CELSR1: variants seen among roughly 807,000 people sequenced by gnomAD.
CELSR1 encodes cadherin EGF LAG seven-pass G-type receptor 1, also known as adhesion G protein-coupled receptor C1.
CELSR1 carries 110 observed loss-of-function variants against 249.1 expected under a neutral mutation model. That is an observed-to-expected ratio of 0.44 (90% confidence interval 0.38 to 0.52). The LOEUF is 0.52. CELSR1 is among the 20% of genes least tolerant of loss of function. The pLI is 0.00. For missense variants in CELSR1, 4,109 were observed against 4,296.4 expected (o/e 0.96, Z 1.22); for synonymous variants, 2,113 against 1,900.0 (o/e 1.11, Z -2.92).
intron 1 of CELSR1, among the ~76,000 whole-genome samples, chr22:46,493,372 C>T (rs991328238): frequency 1.3e-4 from 19 of 151,918 alleles, no homozygotes; most frequent in African/African-American, 4.4e-4. Flanking sequence ...ATGGTGAAAA[C>T]CCATCTCTAC....
At position 46,477,092 on chromosome 22, in the gene CELSR1, A is replaced by G. The variant is rs986577719; in HGVS notation, c.3545-12747T>C. ...AGCTGTCGAATGAAGTCAGAAATGA[A>G]CAGGTTTCTAAGACGTGGAACTACT... On this transcript the variant is annotated intron_variant, in intron 1 of 34. Transcript: ENST00000674500. Among the ~76,000 whole-genome samples the G allele has an allele frequency of 2.0e-5, 3 of 152,234 alleles. No individual in the cohort carries two copies. The South Asian group carries it at 6.2e-4, about 31-fold the overall frequency.
Position 46,398,785 on chromosome 22 carries a change from C to A in CELSR1, c.5413-148G>T. ...GACATCTGGGCCTCCAAAGAGAGAG[C>A]TGGGCCCAGCTGGACAGCGAGGCTG... On this transcript the variant is annotated intron_variant, in intron 10 of 34. Coordinates refer to ENST00000674500, the MANE Select transcript of CELSR1 (RefSeq NM_001378328.1). This position sits in a 1 kb window ranked among gnomAD's most constrained non-coding sequence, Gnocchi z 7.2. 1.7e-6 allele frequency: 1 copy of A among 604,800 alleles called. No homozygotes were observed. The allele number at this position is 604,800 out of a possible 1,614,324, so 37.5% of individuals were successfully genotyped here.
intron 1 of CELSR1, among the ~76,000 whole-genome samples, chr22:46,491,515 G>A (rs551741721): frequency 7.3e-5 from 11 of 150,904 alleles, no homozygotes; most frequent in South Asian, 4.2e-4. Context: ...TGCCCACTTC[G>A]GCCTCCCAAA....
At position 46,413,242 on chromosome 22, in the gene CELSR1, T is replaced by G. The variant is rs1256225252; in HGVS notation, c.4612-1483A>C. On this transcript the variant is annotated intron_variant, in intron 5 of 34. Transcript: ENST00000674500. The surrounding 1 kb of genome is among the most constrained non-coding windows in gnomAD (Gnocchi z 4.7). ...TTTTAATAGGAACAAAGTATCTATT[T>G]TGATCAGGGAAACGAGGCTGAAAAG... 6.6e-6 allele frequency among the ~76,000 whole-genome samples: 1 copy of G among 152,262 alleles called. No individual in the cohort carries two copies. Among genetic ancestry groups the G allele is most frequent in the Non-Finnish European group, 1.5e-5 (1 of 68,048 alleles).
chr22:46,376,523 C>T (rs541485414), intron 24 of CELSR1, among the ~76,000 whole-genome samples: 15 of 152,222 alleles, frequency 9.9e-5, no homozygotes, highest in South Asian at 2.1e-4. Context: ...TACAGGTGCC[C>T]GGCACCACGC....
In CELSR1 at chr22:46,366,956, C is replaced by T. The variant is rs778278112; in HGVS notation, c.8205+37G>A. On this transcript the variant is annotated intron_variant, in intron 29 of 34. Transcript: ENST00000674500. ...CTCCCCCGCCCCTCGAGATGCCGCC[C>T]AGCCCCCAGTCCCGCGGTGTCCCCG... The T allele has an allele frequency of 5.0e-6, 8 of 1,592,204 alleles. No individual in the cohort carries two copies. The Admixed American group carries it at 1.2e-4, about 24-fold the overall frequency.
At chr22:46,421,278 G>C (rs886969185) in intron 5 of CELSR1, among the ~76,000 whole-genome samples, 2 of 149,154 alleles carry the variant, frequency 1.3e-5, no homozygotes, top group Non-Finnish European at 3.0e-5. Context: ...GTGCATCTCA[G>C]AGCCCCAGCA....
chr22:46,409,937 G>A lies in CELSR1; in HGVS notation c.4934-57C>T, dbSNP rs1294755631. 1.1e-5 allele frequency: 18 copies of A among 1,599,668 alleles called. No homozygotes were observed. The highest frequency in any genetic ancestry group is 2.7e-5 in the African/African-American group (2 of 74,828). On this transcript the variant is annotated intron_variant, in intron 7 of 34. Coordinates refer to ENST00000674500, the MANE Select transcript of CELSR1 (RefSeq NM_001378328.1). The surrounding 1 kb of genome is among the most constrained non-coding windows in gnomAD (Gnocchi z 9.8). ...CTCGGAGGAACCGCCCGGGGTCCCC[G>A]GCGCCAGACGTGGCGTGGGAAACCA...
At chr22:46,370,737 G>A (rs1017702453) in intron 25 of CELSR1, among the ~76,000 whole-genome samples, 2 of 152,192 alleles carry the variant, frequency 1.3e-5, no homozygotes, top group Non-Finnish European at 2.9e-5. Flanking sequence ...CCCTCTGGAG[G>A]AGCCAGTTAA....
rs182201623 is a variant in CELSR1, at chr22:46,434,442, G to A, written c.4523-961C>T. Among the ~76,000 whole-genome samples the A allele has an allele frequency of 3.3e-5, 5 of 152,324 alleles. No homozygotes were observed. Among genetic ancestry groups the A allele is most frequent in the East Asian group, 1.9e-4 (1 of 5,180 alleles). ...GGGAACCAGCAGGAGTTCTGGAAAC[G>A]GGTGTGGGAGACACTGGCCAGGGGA... On this transcript the variant is annotated intron_variant, in intron 4 of 34. Coordinates refer to ENST00000674500, the MANE Select transcript of CELSR1 (RefSeq NM_001378328.1). The surrounding 1 kb of genome is among the most constrained non-coding windows in gnomAD (Gnocchi z 4.9).
In CELSR1 at chr22:46,401,759, A is replaced by G; in HGVS notation, c.5227-1857T>C. 6.6e-6 allele frequency among the ~76,000 whole-genome samples: 1 copy of G among 152,164 alleles called. No homozygotes were observed. Among genetic ancestry groups the G allele is most frequent in the Admixed American group, 6.5e-5 (1 of 15,280 alleles). On this transcript the variant is annotated intron_variant, in intron 9 of 34. Transcript: ENST00000674500. This position sits in a 1 kb window ranked among gnomAD's most constrained non-coding sequence, Gnocchi z 4.7. ...ACCCTGAGGGGTTTACACTAACGAT[A>G]AAAACGAAAAAGAGCCACCTTTGCA...
At chr22:46,516,148 A>T (rs2080625172) in intron 1 of CELSR1, among the ~76,000 whole-genome samples, 1 of 152,212 alleles carries the variant, frequency 6.6e-6, no homozygotes. Context: ...CTATAAAGAC[A>T]CATGCACACG....
intron 1 of CELSR1, among the ~76,000 whole-genome samples, chr22:46,528,603 TAC>T (rs1485134467): frequency 1.3e-5 from 2 of 152,164 alleles, no homozygotes; most frequent in African/African-American, 4.8e-5. Flanking sequence ...AGAAATGTGG[TAC>T]ATATATACCA....
intron 12 of CELSR1, among the ~76,000 whole-genome samples, chr22:46,397,144 C>T (rs754974848): frequency 6.6e-6 from 1 of 152,106 alleles, no homozygotes. Context: ...TGCTCTGTTG[C>T]CCAGGCTGAG....
At position 46,369,216 on chromosome 22, in the gene CELSR1, G is replaced by A. The variant is rs749893374; in HGVS notation, c.7915C>T (p.Gln2639Ter). Residue 2639 changes from glutamine to a stop codon, truncating the protein, a stop_gained, in exon 27 of 35, where the codon CAA becomes TAA. Transcript: ENST00000674500. LOFTEE classifies it high-confidence loss of function. ...TTCCCATAATAATGGTGCTTTCTTT[G>A]GCAGGAAACCTTTGCAGATAGGACA... ...TSVLSAKVSC[Q>*]RKHHYYGKKG... 1.9e-6 allele frequency: 3 copies of A among 1,614,018 alleles called. No individual in the cohort carries two copies. Among genetic ancestry groups the A allele is most frequent in the Non-Finnish European group, 1.7e-6 (2 of 1,179,972 alleles).
At chr22:46,480,278 AAAT>A (rs1428077467) in intron 1 of CELSR1, among the ~76,000 whole-genome samples, 1 of 152,208 alleles carries the variant, frequency 6.6e-6, no homozygotes, top group Non-Finnish European at 1.5e-5. Context: ...GTGGTAGACG[AAAT>A]AATGTCTCCC....
rs1428321869 is a variant in CELSR1, at chr22:46,471,473, T to C, written c.3545-7128A>G. On this transcript the variant is annotated intron_variant, in intron 1 of 34. Transcript: ENST00000674500. This position sits in a 1 kb window ranked among gnomAD's most constrained non-coding sequence, Gnocchi z 4.9. ...GGTGTGATTACTGCAGCCTTGAGCT[T>C]TGAGCTCCTGGGCTCAAGTGATCCT... Among the ~76,000 whole-genome samples the C allele has an allele frequency of 6.6e-6, 1 of 152,106 alleles. No individual in the cohort carries two copies. Among genetic ancestry groups the C allele is most frequent in the Non-Finnish European group, 1.5e-5 (1 of 68,028 alleles).
chr22:46,454,699 C>T lies in CELSR1; in HGVS notation c.4183+9008G>A, dbSNP rs763970738. ...GGACGCGGGAAACCCTCTGCTCCTG[C>T]GCTTAGCGTTCGCAAAGGTAAACAC... is the stretch of plus-strand genomic sequence containing the variant. On this transcript the variant is annotated intron_variant, in intron 2 of 34. Transcript: ENST00000674500. The surrounding 1 kb of genome is among the most constrained non-coding windows in gnomAD (Gnocchi z 5.1). 3.3e-5 allele frequency among the ~76,000 whole-genome samples: 5 copies of T among 152,256 alleles called. No individual in the cohort carries two copies. Among genetic ancestry groups the T allele is most frequent in the Non-Finnish European group, 7.3e-5 (5 of 68,056 alleles).
chr22:46,418,183 A>G (rs1001292254), intron 5 of CELSR1, among the ~76,000 whole-genome samples: 1 of 152,232 alleles, frequency 6.6e-6, no homozygotes, highest in African/African-American at 2.4e-5. Flanking sequence ...CCTATATTAA[A>G]ATAACATAAT....
Sources: gnomAD v4.1 joint callset for allele counts (sites outside exome capture counted in the v4.1 genomes callset) on GRCh38, gnomAD v4.1.1 for gene constraint, Gnocchi (gnomAD v3.1) non-coding constraint, MANE v1.5 for transcripts, NCBI Gene and HGNC (gene_info 2026-07-23, HGNC 2026-07-21) for gene names.